The following AKAP8 variants were observed in gnomAD, a reference collection of about 807,000 sequenced individuals.
AKAP8 encodes A-kinase anchoring protein 8.
A neutral mutation model predicts 67.5 loss-of-function variants in AKAP8; 24 were observed. The observed-to-expected ratio is 0.36, with a 90% CI of 0.26 to 0.50. AKAP8 has a LOEUF of 0.50. Among genes scored for constraint, AKAP8 ranks in the 20% least tolerant of loss-of-function variants. The pLI is 0.97. For synonymous variants in AKAP8, 400 were observed against 371.1 expected (o/e 1.08, Z -0.90); for missense variants, 971 against 955.9 (o/e 1.02, Z -0.21).
chr19:15,366,154 G>GAAAAAAAAAAAAAAAAAAAACAAAAAAAA (rs374068497), intron 9 of AKAP8, among the ~76,000 whole-genome samples: 1 of 95,028 alleles, frequency 1.1e-5, no homozygotes, highest in Non-Finnish European at 1.9e-5. Context: ...AAAGCAAAAA[G>GAAAAAAAAAAAAAAAAAAAACAAAAAAAA]AAAAAAAAAA....
Position 15,371,958 on chromosome 19 carries a change from G to A in AKAP8, c.1032C>T (p.Phe344=). 6.2e-7 allele frequency: 1 copy of A among 1,614,072 alleles called. No individual in the cohort carries two copies. Among genetic ancestry groups the A allele is most frequent in the Non-Finnish European group, 8.5e-7 (1 of 1,179,992 alleles). ...AGDFRSGDEE[F]KGEDELCDSG... ...GGCTGCCTGGTGGACTTACACCCTTGAATTCTTCATCTCCTGAGCGGAAGT... is the reference window on the plus strand; with the variant it reads ...GGCTGCCTGGTGGACTTACACCCTTAAATTCTTCATCTCCTGAGCGGAAGT... The change falls in exon 7 of 14, where the codon TTC becomes TTT. Residue 344 remains phenylalanine, a synonymous_variant. Transcript: ENST00000269701.
intron 13 of AKAP8, among the ~76,000 whole-genome samples, chr19:15,356,337 G>A (rs1015031115): frequency 2.6e-5 from 4 of 152,106 alleles, no homozygotes; most frequent in East Asian, 1.9e-4. Context: ...CCTGGGAGGC[G>A]GAGCTTGCAG....
chr19:15,364,423 T>C (rs534464960), intron 9 of AKAP8, among the ~76,000 whole-genome samples: 1 of 152,230 alleles, frequency 6.6e-6, no homozygotes, highest in African/African-American at 2.4e-5. Context: ...CGATCTTGGC[T>C]CACTGCAACC....
rs59205660 is a variant in AKAP8, at chr19:15,357,428, CAAAAAAAAAAAAAAA to C, written c.1623+1524_1623+1538del. The stretch of plus-strand genomic sequence containing the variant: ...TGGGTGACAGAGCAAGACTCCATCT[CAAAAAAAAAAAAAAA>C]AAAAAAAAAAAAAAATTAGCCAGGT... On this transcript the variant is annotated intron_variant, in intron 13 of 13. Transcript: ENST00000269701. Among the ~76,000 whole-genome samples, 4 of 40,732 alleles carry C rather than the reference CAAAAAAAAAAAAAAA, an allele frequency of 9.8e-5. 1 individual carries two copies. Among genetic ancestry groups the C allele is most frequent in the Admixed American group, 8.9e-4 (2 of 2,236 alleles). 26.7% of individuals were successfully genotyped at this position (40,732 alleles called of 152,430 possible). A position where few individuals can be genotyped will look rare whatever the true frequency, so the allele number is the denominator to read the frequency against.
rs1967115732 is a variant in AKAP8, at chr19:15,369,236, A to G, written c.1072+910T>C. ...GTAGGTAGCAGGACCTGCGCGCAAC[A>G]GACATGTCACCTTTGCTTTAGCATT... On this transcript the variant is annotated intron_variant, in intron 8 of 13. Transcript: ENST00000269701. This position sits in a 1 kb window ranked among gnomAD's most constrained non-coding sequence, Gnocchi z 4.6. 1 of 985,386 alleles carries G rather than the reference A, an allele frequency of 1.0e-6. No individual in the cohort carries two copies. Among genetic ancestry groups the G allele is most frequent in the African/African-American group, 1.7e-5 (1 of 57,260 alleles). 61.0% of individuals were successfully genotyped at this position (985,386 alleles called of 1,614,324 possible).
rs374014619 is a variant in AKAP8, at chr19:15,378,849, C to T, written c.19+864G>A. 1.1e-4 allele frequency among the ~76,000 whole-genome samples: 17 copies of T among 152,316 alleles called. 2 individuals are homozygous for T. Among genetic ancestry groups the T allele is most frequent in the African/African-American group, 3.6e-4 (15 of 41,562 alleles). On this transcript the variant is annotated intron_variant, in intron 1 of 13. Transcript: ENST00000269701. ...GAGCAGGCAGCTCGAGAAGATCGGC[C>T]CTACTGCAGGCCAAGCGCTAAATCC...
At chr19:15,368,614 TG>T in intron 8 of AKAP8, 3 of 985,236 alleles carry the variant, frequency 3.0e-6, no homozygotes, top group Non-Finnish European at 3.6e-6. Flanking sequence ...CTGCTCCCTC[TG>T]TCCTCCCCAT....
chr19:15,368,200 A>G (rs746117326), intron 9 of AKAP8, 35 bp downstream of exon 9: 71 of 1,607,236 alleles, frequency 4.4e-5, no homozygotes, highest in Non-Finnish European at 5.4e-5. Flanking sequence ...GCACGAGTCC[A>G]CCTCCTCCTG....
At position 15,362,241 on chromosome 19, in the gene AKAP8, C is replaced by T. The variant is rs1966979033; in HGVS notation, c.1171G>A (p.Ala391Thr). The T allele has an allele frequency of 1.2e-6, 2 of 1,613,920 alleles. No homozygotes were observed. Residue 391 changes from alanine (A) to threonine (T), a missense_variant, in exon 10 of 14, where the codon GCC becomes ACC. This residue lies in a region of AKAP8 where 763 missense variants were observed against 745.4 expected (regional missense o/e 1.02). Transcript: ENST00000269701. ...RDRAADRIQF[A>T]CSVCKFRSFD... Reference sequence around the variant, plus strand: ...CTACGGAACTTGCATACAGAACAGGCAAACTGAATTCTGTAGAAGGAAAAC... The same window carrying T: ...CTACGGAACTTGCATACAGAACAGGTAAACTGAATTCTGTAGAAGGAAAAC...
rs763283589 is a variant in AKAP8 at position 15,362,219 on chromosome 19, C to T, written c.1193G>A (p.Arg398His). The change falls in exon 10 of 14, where the codon CGT becomes CAT. Residue 398 changes from arginine to histidine, a missense_variant. By Grantham distance (29) the Arg-to-His change is conservative (BLOSUM62 0). Around this residue, in one of 3 missense-constraint regions of AKAP8, gnomAD observed 763 missense variants for 745.4 expected, o/e 1.02. Coordinates refer to ENST00000269701, the MANE Select transcript of AKAP8 (RefSeq NM_005858.4). ...CTGGATCTCTTCGTCATCAAAGCTA[C>T]GGAACTTGCATACAGAACAGGCAAA... ...IQFACSVCKF[R>H]SFDDEEIQKH... The T allele has an allele frequency of 1.2e-5, 20 of 1,613,908 alleles. No homozygotes were observed. Among genetic ancestry groups the T allele is most frequent in the Admixed American group, 1.0e-4 (6 of 59,988 alleles).
Position 15,353,522 on chromosome 19 carries a change from C to T in AKAP8, c.*1393G>A, listed in dbSNP as rs895959656. 2 of 151,924 alleles carry T rather than the reference C, an allele frequency of 1.3e-5. No individual in the cohort carries two copies. Among genetic ancestry groups the T allele is most frequent in the African/African-American group, 4.8e-5 (2 of 41,374 alleles). 9.4% of individuals were successfully genotyped at this position (151,924 alleles called of 1,614,324 possible). Reference sequence around the variant, plus strand: ...AGCAGAAATGACCCAGAGGCACCATCGTCTTTTCAAGCAGTTTATTTCCAT... The same window carrying T: ...AGCAGAAATGACCCAGAGGCACCATTGTCTTTTCAAGCAGTTTATTTCCAT... On this transcript the variant is annotated 3_prime_UTR_variant, in exon 14 of 14. Coordinates refer to ENST00000269701, the MANE Select transcript of AKAP8 (RefSeq NM_005858.4).
chr19:15,370,940 C>T (rs952678530), intron 7 of AKAP8, among the ~76,000 whole-genome samples: 4 of 152,176 alleles, frequency 2.6e-5, no homozygotes, highest in Non-Finnish European at 5.9e-5. Flanking sequence ...TATATTTACC[C>T]GATGTCTTAA....
At chr19:15,366,425 TAAG>T (rs1568426150) in intron 9 of AKAP8, among the ~76,000 whole-genome samples, 1 of 152,160 alleles carries the variant, frequency 6.6e-6, no homozygotes, top group Non-Finnish European at 1.5e-5. Flanking sequence ...CTGTACCACT[TAAG>T]AAGAAACAGT....
intron 13 of AKAP8, among the ~76,000 whole-genome samples, 184 bp from the exon 14 acceptor site, chr19:15,355,554 T>C (rs2048272759): frequency 8.7e-6 from 1 of 115,132 alleles, no homozygotes; most frequent in South Asian, 3.1e-4. Flanking sequence ...CGGGGAGATA[T>C]TCTGCAATTT....
At position 15,372,284 on chromosome 19, in the gene AKAP8, G is replaced by T; in HGVS notation, c.925C>A (p.Gln309Lys). 6.2e-7 allele frequency: 1 copy of T among 1,614,160 alleles called. No homozygotes were observed. ...DGTGRKRKQF[Q>K]LYEEPDTKLA... ...TTGGTGTCTGGCTCCTCGTAAAGTT[G>T]GAACTGCTTCCGTTTCCTGCCCGTG... The change falls in exon 6 of 14, where the codon CAA becomes AAA. Residue 309 changes from glutamine to lysine, a missense_variant. Coordinates refer to ENST00000269701, the MANE Select transcript of AKAP8 (RefSeq NM_005858.4).
rs2048262870 is a variant in AKAP8 at position 15,354,318 on chromosome 19, G to A, written c.*597C>T. The A allele has an allele frequency of 6.5e-6, 1 of 154,426 alleles. No homozygotes were observed. The allele number at this position is 154,426 out of a possible 1,614,324, so 9.6% of individuals were successfully genotyped here. ...TGCACAGTCTGGTTCTTGAGGTTGC[G>A]GTGGGTGTGTTTCCAGTGGCGTAGG... is the stretch of plus-strand genomic sequence containing the variant. On this transcript the variant is annotated 3_prime_UTR_variant, in exon 14 of 14. Transcript: ENST00000269701.
chr19:15,364,539 C>T (rs1394143826), intron 9 of AKAP8, among the ~76,000 whole-genome samples: 1 of 152,018 alleles, frequency 6.6e-6, no homozygotes, highest in Non-Finnish European at 1.5e-5. Context: ...TGAGTAGAGA[C>T]GTGGTTTCAC....
intron 2 of AKAP8, among the ~76,000 whole-genome samples, chr19:15,374,987 C>T (rs900902825): frequency 2.6e-5 from 4 of 152,224 alleles, no homozygotes; most frequent in African/African-American, 7.2e-5. Context: ...CATCAGAAGC[C>T]AGAGTGCAGG....
rs1163456064 is a variant in AKAP8, at chr19:15,373,192, G to C, written c.520C>G (p.Arg174Gly). ...GAGCCCCGCTCCCGGGCTGGGTCTCGGCATTCACTGTACTGCCCCCCAAAG... is the reference window on the plus strand; with the variant it reads ...GAGCCCCGCTCCCGGGCTGGGTCTCCGCATTCACTGTACTGCCCCCCAAAG... ...GSFGGQYSEC[R>G]DPARERGSLD... is the part of the protein sequence containing the mutation. Residue 174 changes from arginine (R) to glycine (G), a missense_variant, in exon 5 of 14, where the codon CGA becomes GGA. This residue lies in a region of AKAP8 where 763 missense variants were observed against 745.4 expected (regional missense o/e 1.02). Transcript: ENST00000269701. The C allele has an allele frequency of 8.1e-6, 13 of 1,613,618 alleles. No individual in the cohort carries two copies. Among genetic ancestry groups the C allele is most frequent in the Non-Finnish European group, 1.1e-5 (13 of 1,180,016 alleles).
Sources: allele counts gnomAD v4.1 joint callset (sites outside exome capture counted in the v4.1 genomes callset), GRCh38; gene constraint gnomAD v4.1.1; regional missense constraint gnomAD v4.1.1; non-coding constraint Gnocchi (gnomAD v3.1); transcripts MANE v1.5; gene names NCBI Gene and HGNC (gene_info 2026-07-23, HGNC 2026-07-21).